The following PARVG variants were observed in gnomAD, a reference collection of about 807,000 sequenced individuals.
PARVG encodes gamma-parvin.
In PARVG, 36 loss-of-function variants were observed where a neutral mutation model predicts 44.4. The observed-to-expected ratio is 0.81, with a 90% CI of 0.62 to 1.07. The LOEUF is 1.07. PARVG is among the 50% of genes least tolerant of loss of function. The pLI, the probability that PARVG is intolerant of heterozygous loss-of-function variation, is 0.00. For missense variants in PARVG, 407 were observed against 407.4 expected, an observed-to-expected ratio of 1.00 and a Z score of 0.01; for synonymous variants, 170 against 174.1, an observed-to-expected ratio of 0.98 and a Z score of 0.19.
At chr22:44,199,565 C>G (rs1011494849) in intron 12 of PARVG, among the ~76,000 whole-genome samples, 3 of 152,174 alleles carry the variant, frequency 2.0e-5, no homozygotes, top group Non-Finnish European at 2.9e-5. Context: ...CAGTCTGTGC[C>G]CACTGTTCTC....
intron 3 of PARVG, chr22:44,184,691 C>T (rs896342907): frequency 6.6e-6 from 1 of 152,218 alleles, no homozygotes; most frequent in Non-Finnish European, 1.5e-5. Flanking sequence ...CCAGTGCCAA[C>T]AGGGTCCCTG....
chr22:44,173,196 GT>G (rs2054286533), intron 1 of PARVG: 1 of 1,246,494 alleles, frequency 8.0e-7, no homozygotes, highest in Non-Finnish European at 1.0e-6. Flanking sequence ...CTGCAGGTGA[GT>G]AATAAAGGCT....
At chr22:44,181,295 C>T (rs1569176669) in intron 1 of PARVG, 110 bp downstream of exon 1, 1 of 980,856 alleles carries the variant, frequency 1.0e-6, no homozygotes, top group Non-Finnish European at 1.2e-6. Context: ...AAGTGACTCA[C>T]TCCTCCGAGG....
chr22:44,193,756 G>GTT, intron 8 of PARVG, 45 bp from the exon 9 acceptor site: 1 of 1,424,758 alleles, frequency 7.0e-7, no homozygotes, highest in Non-Finnish European at 9.6e-7. Context: ...TTTGCGGGGT[G>GTT]TTTTTTTTTT....
At chr22:44,202,146 A>G (rs1315170119) in intron 12 of PARVG, among the ~76,000 whole-genome samples, 1 of 152,266 alleles carries the variant, frequency 6.6e-6, no homozygotes, top group African/African-American at 2.4e-5. Flanking sequence ...AGAGAGGCAC[A>G]GAAGTCTGGC....
At chr22:44,187,627 C>A in intron 4 of PARVG, 149 bp from the exon 5 acceptor site, 1 of 721,170 alleles carries the variant, frequency 1.4e-6, no homozygotes, top group Non-Finnish European at 2.4e-6. Context: ...CCTGGGAGAT[C>A]AAGGAGGGCT....
chr22:44,183,508 C>CTGGGAAGG, intron 3 of PARVG, 100 bp downstream of exon 3: 1 of 1,192,634 alleles, frequency 8.4e-7, no homozygotes, highest in Non-Finnish European at 1.1e-6. Context: ...CAGCTGTCAG[C>CTGGGAAGG]TGAGCGCCCA....
intron 12 of PARVG, among the ~76,000 whole-genome samples, chr22:44,199,440 C>G (rs2054675640): frequency 6.6e-6 from 1 of 152,190 alleles, no homozygotes; most frequent in African/African-American, 2.4e-5. Flanking sequence ...CTCATCCACC[C>G]ATCCCCTACC....
At chr22:44,174,807 G>A (rs941439473) in intron 1 of PARVG, among the ~76,000 whole-genome samples, 3 of 151,936 alleles carry the variant, frequency 2.0e-5, no homozygotes, top group Admixed American at 6.6e-5. Flanking sequence ...CTGATTCTCC[G>A]ACCTTTCTCA....
At chr22:44,193,298 G>A (rs186874773) in intron 8 of PARVG, among the ~76,000 whole-genome samples, 12 of 152,270 alleles carry the variant, frequency 7.9e-5, no homozygotes, top group African/African-American at 2.9e-4. Context: ...AAGAGGACAC[G>A]CAGTATGGTT....
At chr22:44,192,130 G>T (rs376685117) in intron 8 of PARVG, 26 bp downstream of exon 8, 2 of 1,611,332 alleles carry the variant, frequency 1.2e-6, no homozygotes, top group Admixed American at 1.7e-5. Context: ...GGGCCCATGG[G>T]TGGGGCTGGG....
chr22:44,187,317 C>G (rs1162507928), intron 4 of PARVG: 1 of 182,038 alleles, frequency 5.5e-6, no homozygotes, highest in Non-Finnish European at 1.2e-5. Flanking sequence ...GTCCCCACCT[C>G]CATCTTCACG....
At position 44,174,293 on chromosome 22, in the gene PARVG, G is replaced by C. The variant is rs888437083; in HGVS notation, c.-189+1102G>C. Among the ~76,000 whole-genome samples the C allele has an allele frequency of 3.3e-5, 5 of 152,282 alleles. No homozygotes were observed. In the East Asian group the frequency reaches 9.7e-4, roughly 29 times the overall value. On this transcript the variant is annotated intron_variant, in intron 1 of 13. Coordinates refer to the PARVG transcript ENST00000422871. ...ACCTGTCTGGAGAGGGACAGCTGAA[G>C]CCTGGAGATGGTGTGGTGGAAGCCA...
intron 1 of PARVG, among the ~76,000 whole-genome samples, chr22:44,173,513 G>C (rs946001776): frequency 6.6e-6 from 1 of 151,656 alleles, no homozygotes; most frequent in African/African-American, 2.4e-5. Flanking sequence ...AGGATGGGTA[G>C]CCTGGAGAGA....
upstream of PARVG, among the ~76,000 whole-genome samples, chr22:44,180,045 C>G (rs2054355696): frequency 6.6e-6 from 1 of 152,208 alleles, no homozygotes; most frequent in Non-Finnish European, 1.5e-5. Context: ...CTTCTTTTCT[C>G]TGGCTTCTGG....
At chr22:44,176,854 G>A (rs35336105), upstream of PARVG, among the ~76,000 whole-genome samples, 979 of 152,274 alleles carry the variant, frequency 6.4e-3, 3 homozygotes, top group Non-Finnish European at 0.011. Flanking sequence ...GGTGGAAGGC[G>A]AAGGAGGAGC....
At chr22:44,196,294 G>A (rs552781157) in intron 10 of PARVG, 53 bp from the exon 11 acceptor site, 21 of 1,613,800 alleles carry the variant, frequency 1.3e-5, no homozygotes, top group South Asian at 6.6e-5. Flanking sequence ...AGGGAATCAC[G>A]GGTCCTCCCA....
Position 44,187,768 on chromosome 22 carries a change from G to A in PARVG, c.145-8G>A. ...TCCCCCCAAAAGTTGTCCCCTTGGA[G>A]CCTGCAGGTGTTGATGGAGTGGATC... On this transcript the variant is annotated splice_polypyrimidine_tract_variant and splice_region_variant and intron_variant, in intron 4 of 13. Coordinates refer to ENST00000444313, the MANE Select transcript of PARVG (RefSeq NM_022141.7). 1 of 1,614,186 alleles carries A rather than the reference G, an allele frequency of 6.2e-7. No individual in the cohort carries two copies. Among genetic ancestry groups the A allele is most frequent in the South Asian group, 1.1e-5 (1 of 91,086 alleles).
At chr22:44,201,893 C>T (rs1470985360) in intron 12 of PARVG, among the ~76,000 whole-genome samples, 3 of 152,218 alleles carry the variant, frequency 2.0e-5, no homozygotes, top group Non-Finnish European at 4.4e-5. Context: ...ATGGCAGACA[C>T]ATGAGAGACC....
Sources: allele counts gnomAD v4.1 joint callset (sites outside exome capture counted in the v4.1 genomes callset), GRCh38; gene constraint gnomAD v4.1.1; transcripts MANE v1.5; gene names NCBI Gene and HGNC (gene_info 2026-07-23, HGNC 2026-07-21).